SAMD4B: variants seen among roughly 807,000 people sequenced by gnomAD.
SAMD4B encodes the protein protein Smaug homolog 2.
In SAMD4B, 5 loss-of-function variants were observed where a neutral mutation model predicts 74.5. The ratio of observed to expected loss-of-function variants is 0.07; its 90% CI spans 0.04 to 0.14. The LOEUF is 0.14. SAMD4B is among the 10% of genes least tolerant of loss of function. The pLI, the probability that SAMD4B is intolerant of heterozygous loss-of-function variation, is 1.00. For missense variants in SAMD4B, 608 were observed against 921.8 expected, an observed-to-expected ratio of 0.66 and a Z score of 4.41; for synonymous variants, 373 against 374.9, an observed-to-expected ratio of 1.00 and a Z score of 0.06.
chr19:39,389,326 A>G, downstream of SAMD4B: 1 of 1,614,152 alleles, frequency 6.2e-7, no homozygotes, highest in Non-Finnish European at 8.5e-7. The surrounding 1 kb of genome is among the most constrained non-coding windows in gnomAD (Gnocchi z 5.3). Context: ...GGTTGAACTC[A>G]GTGGAGATGT....
chr19:39,377,763 TGCC>T lies in SAMD4B; in HGVS notation c.1384_1386del (p.Ala462del). 6.2e-7 allele frequency: 1 copy of T among 1,613,810 alleles called. No homozygotes were observed. Among genetic ancestry groups the T allele is most frequent in the Non-Finnish European group, 8.5e-7 (1 of 1,179,782 alleles). ...CAGCTCCCACTGATGGCAGTGAGCCTGCCCCGGCTCCCGTCGCCGACGGAGACA... is the reference window on the plus strand; with the variant it reads ...CAGCTCCCACTGATGGCAGTGAGCCTCCGGCTCCCGTCGCCGACGGAGACA... On this transcript the variant is annotated inframe_deletion, in exon 8 of 14. Coordinates refer to ENST00000610417, the MANE Select transcript of SAMD4B (RefSeq NM_001384574.2).
At chr19:39,379,417 T>A (rs2077815126) in intron 9 of SAMD4B, among the ~76,000 whole-genome samples, 1 of 152,196 alleles carries the variant, frequency 6.6e-6, no homozygotes, top group Non-Finnish European at 1.5e-5. Flanking sequence ...TTATTTAAGT[T>A]TCTTTTGCTT....
chr19:39,343,364 T>A lies in SAMD4B; in HGVS notation c.-267+788T>A, dbSNP rs1218321198. Among the ~76,000 whole-genome samples, 4 of 146,214 alleles carry A rather than the reference T, an allele frequency of 2.7e-5. No homozygotes were observed. In the East Asian group the frequency reaches 8.3e-4, roughly 30 times the overall value. On this transcript the variant is annotated intron_variant, in intron 1 of 13. Transcript: ENST00000610417. ...TCAGAATGCCCCCGACGGACCGTGA[T>A]CATCTTCCCTGAAGATCTCCTTCCC...
chr19:39,377,382 C>A, intron 7 of SAMD4B, 103 bp from the exon 8 acceptor site: 1 of 975,350 alleles, frequency 1.0e-6, no homozygotes, highest in South Asian at 1.7e-5. Flanking sequence ...AACCCAGGGT[C>A]CTACCCAGCC....
rs1169965466 is a variant in SAMD4B, at chr19:39,375,744, G to A, written c.762G>A (p.Glu254=). 3 of 1,614,170 alleles carry A rather than the reference G, an allele frequency of 1.9e-6. No individual in the cohort carries two copies. Among genetic ancestry groups the A allele is most frequent in the Non-Finnish European group, 1.7e-6 (2 of 1,180,024 alleles). ...PQVPGEWPSP[E]ELGARAAFTT... The stretch of plus-strand genomic sequence containing the variant: ...TCCCTGGTGAGTGGCCGAGTCCAGA[G>A]GAGCTTGGGGCCCGGGCTGCTTTTA... The change falls in exon 5 of 14, where the codon GAG becomes GAA. Residue 254 remains glutamate (E), a synonymous_variant. Transcript: ENST00000610417. The surrounding 1 kb of genome is among the most constrained non-coding windows in gnomAD (Gnocchi z 4.1).
At chr19:39,358,723 A>G (rs879890554) in intron 3 of SAMD4B, among the ~76,000 whole-genome samples, 9 of 152,222 alleles carry the variant, frequency 5.9e-5, no homozygotes, top group South Asian at 2.1e-4. Flanking sequence ...GTAGTAAACA[A>G]TAACTGTCAG....
intron 3 of SAMD4B, chr19:39,369,314 G>C: frequency 3.2e-6 from 1 of 315,718 alleles, no homozygotes; most frequent in Non-Finnish European, 6.0e-6. Flanking sequence ...GGACCACCAG[G>C]TTGCCTAAGG....
rs763549707 is a variant in SAMD4B at position 39,376,728 on chromosome 19, C to T, written c.1041C>T (p.His347=). 2 of 1,614,234 alleles carry T rather than the reference C, an allele frequency of 1.2e-6. No individual in the cohort carries two copies. Among genetic ancestry groups the T allele is most frequent in the Non-Finnish European group, 1.7e-6 (2 of 1,180,044 alleles). The change falls in exon 7 of 14, where the codon CAC becomes CAT. Residue 347 remains histidine (H), a synonymous_variant. Transcript: ENST00000610417. ...AGAACGTCACCAAAGGTGCCCGCCA[C>T]AAGATAGCCCTGAGCATCCAGAAGC... ...ESQNVTKGAR[H]KIALSIQKLR...
chr19:39,375,581 G>A lies in SAMD4B; in HGVS notation c.668-69G>A, dbSNP rs962744486. 5 of 1,556,632 alleles carry A rather than the reference G, an allele frequency of 3.2e-6. No homozygotes were observed. Among genetic ancestry groups the A allele is most frequent in the East Asian group, 2.3e-5 (1 of 43,946 alleles). Reference sequence around the variant, plus strand: ...GCCAAACTGCCATCCTGGCACTGACGGCAGGGGGATGGTCTCCTGTGGTTG... The same window carrying A: ...GCCAAACTGCCATCCTGGCACTGACAGCAGGGGGATGGTCTCCTGTGGTTG... On this transcript the variant is annotated intron_variant, in intron 4 of 13. Transcript: ENST00000610417. The surrounding 1 kb of genome is among the most constrained non-coding windows in gnomAD (Gnocchi z 4.1).
At position 39,380,716 on chromosome 19, in the gene SAMD4B, C is replaced by G. The variant is rs550875023; in HGVS notation, c.1779C>G (p.Pro593=). The change falls in exon 11 of 14, where the codon CCC becomes CCG. Residue 593 remains proline (P), a synonymous_variant. Transcript: ENST00000610417. ...LPPGRMGLLS[P]SGIGGVSPRH... is the part of the protein sequence containing the mutation. ...CCGGCCGGATGGGCCTCCTGAGCCC[C>G]TCGGGCATTGGGGGTGTCTCCCCTC... 7.5e-6 allele frequency: 12 copies of G among 1,610,478 alleles called. No individual in the cohort carries two copies. Among genetic ancestry groups the G allele is most frequent in the Admixed American group, 3.4e-5 (2 of 59,664 alleles).
chr19:39,381,601 G>A (rs889242501), intron 12 of SAMD4B, among the ~76,000 whole-genome samples: 2 of 152,150 alleles, frequency 1.3e-5, no homozygotes, highest in Non-Finnish European at 1.5e-5. Flanking sequence ...GAAGTGAGAG[G>A]GCTGTTTTGA....
At chr19:39,347,465 TC>T (rs1464951249) in intron 1 of SAMD4B, among the ~76,000 whole-genome samples, 1 of 152,166 alleles carries the variant, frequency 6.6e-6, no homozygotes, top group African/African-American at 2.4e-5. Flanking sequence ...GATGGCAATC[TC>T]CCTCCCCACT....
chr19:39,355,368 G>T (rs953385568), intron 2 of SAMD4B, among the ~76,000 whole-genome samples: 3 of 152,122 alleles, frequency 2.0e-5, no homozygotes, highest in African/African-American at 7.2e-5. Context: ...CTGTTTAGGG[G>T]TCCCACAGGG....
At chr19:39,343,610 C>G (rs2075477100) in intron 1 of SAMD4B, among the ~76,000 whole-genome samples, 1 of 151,692 alleles carries the variant, frequency 6.6e-6, no homozygotes, top group Non-Finnish European at 1.5e-5. Context: ...CCCTAGAGAT[C>G]ACCCTCATGT....
Position 39,375,789 on chromosome 19 carries a change from T to C in SAMD4B, c.807T>C (p.Pro269=). Residue 269 remains proline (P), a synonymous_variant, in exon 5 of 14, where the codon CCT becomes CCC. Coordinates refer to ENST00000610417, the MANE Select transcript of SAMD4B (RefSeq NM_001384574.2). This position sits in a 1 kb window ranked among gnomAD's most constrained non-coding sequence, Gnocchi z 4.1. ...CTTTTACCACGCCCGATCACGCACC[T>C]CTCTCGCCCCAGAGCAGCGTGGCCT... ...RAAFTTPDHA[P]LSPQSSVASS... 1 of 1,613,856 alleles carries C rather than the reference T, an allele frequency of 6.2e-7. No individual in the cohort carries two copies.
At chr19:39,351,255 A>T (rs2076025934) in intron 1 of SAMD4B, 1 of 152,390 alleles carries the variant, frequency 6.6e-6, no homozygotes. Flanking sequence ...GAGTGCTGGG[A>T]TTACAGGCGT....
chr19:39,346,228 C>T (rs1779866827), intron 1 of SAMD4B, among the ~76,000 whole-genome samples: 1 of 152,104 alleles, frequency 6.6e-6, no homozygotes, highest in Non-Finnish European at 1.5e-5. Flanking sequence ...AGAAATTCAG[C>T]AGTGAGAGGG....
At position 39,375,082 on chromosome 19, in the gene SAMD4B, C is replaced by G. The variant is rs986086188; in HGVS notation, c.668-568C>G. On this transcript the variant is annotated intron_variant, in intron 4 of 13. Transcript: ENST00000610417. This position sits in a 1 kb window ranked among gnomAD's most constrained non-coding sequence, Gnocchi z 4.1. The stretch of plus-strand genomic sequence containing the variant: ...AGGAAGAAAGAGCAAGTCCAGAAGT[C>G]CTGAGGCTGGAACAACCTTGAGTGT... Among the ~76,000 whole-genome samples the G allele has an allele frequency of 6.6e-6, 1 of 152,016 alleles. No homozygotes were observed. The highest frequency in any genetic ancestry group is 2.4e-5 in the African/African-American group (1 of 41,354).
At chr19:39,352,630 T>A (rs904407887) in intron 1 of SAMD4B, 4 of 152,176 alleles carry the variant, frequency 2.6e-5, no homozygotes, top group Non-Finnish European at 5.9e-5. Context: ...CCAGTTGGCC[T>A]GCTTTGTTCA....
Sources: gnomAD v4.1 joint callset for allele counts (sites outside exome capture counted in the v4.1 genomes callset) on GRCh38, gnomAD v4.1.1 for gene constraint, Gnocchi (gnomAD v3.1) non-coding constraint, MANE v1.5 for transcripts, NCBI Gene and HGNC (gene_info 2026-07-23, HGNC 2026-07-21) for gene names.